Variants in CSMD2 observed in about 807,000 individuals in gnomAD.
CSMD2 encodes CUB and sushi domain-containing protein 2.
CSMD2 carries 130 observed loss-of-function variants against 398.5 expected under a neutral mutation model. That is an observed-to-expected ratio of 0.33 (90% CI 0.28 to 0.38). The LOEUF (loss-of-function observed/expected upper bound fraction) is 0.38. Among genes scored for constraint, CSMD2 ranks in the 10% least tolerant of loss-of-function variants. The probability of loss-of-function intolerance (pLI) is 1.00; values close to 1 mark genes in which losing one functional copy is unlikely to be tolerated. For missense variants in CSMD2, 3,829 were observed against 4,764.9 expected (o/e 0.80, Z 5.78); for synonymous variants, 1,828 against 1,908.5 (o/e 0.96, Z 1.10).
intron 47 of CSMD2, among the ~76,000 whole-genome samples, chr1:33,581,529 C>CAAAAAAAA (rs59068586): frequency 7.9e-4 from 29 of 36,864 alleles, no homozygotes; most frequent in Non-Finnish European, 9.7e-4. Context: ...GACTCAGTCT[C>CAAAAAAAA]AAAAAAAAAA....
chr1:33,903,155 G>A (rs949875188), intron 5 of CSMD2, among the ~76,000 whole-genome samples: 4 of 152,108 alleles, frequency 2.6e-5, no homozygotes, highest in African/African-American at 9.7e-5. Flanking sequence ...GAAACAAAAA[G>A]AAAGTGATAT....
chr1:34,009,972 C>G lies in CSMD2; in HGVS notation c.517+22622G>C, dbSNP rs138806509. 3.0e-3 allele frequency among the ~76,000 whole-genome samples: 459 copies of G among 152,266 alleles called. 4 individuals carry two copies. The highest frequency in any genetic ancestry group is 0.011 in the East Asian group (55 of 5,172). ...GTCTTGCATCCTTGCAATCCATTCT[C>G]CCTTCAGCAGCCAGAGTGATCTTTT... On this transcript the variant is annotated intron_variant, in intron 3 of 70. Transcript: ENST00000373381.
chr1:34,026,457 T>C (rs1489294782), intron 3 of CSMD2, among the ~76,000 whole-genome samples: 1 of 152,204 alleles, frequency 6.6e-6, no homozygotes, highest in African/African-American at 2.4e-5. Flanking sequence ...CAGTTAGACT[T>C]AGCTAAACAA....
At chr1:34,030,114 G>A (rs1366352601) in intron 3 of CSMD2, among the ~76,000 whole-genome samples, 1 of 152,218 alleles carries the variant, frequency 6.6e-6, no homozygotes, top group Non-Finnish European at 1.5e-5. Flanking sequence ...TATCTGGGCT[G>A]TTCTACATGG....
chr1:33,518,099 C>T lies in CSMD2; in HGVS notation c.*53+1366G>A, dbSNP rs1653926048. ...CTTGGCGGATTTTCCACCGCCCTCA[C>T]TGGGAATCCCTACCTGGCTGGCTCT... On this transcript the variant is annotated intron_variant, in intron 70 of 70. Transcript: ENST00000373381. This position sits in a 1 kb window ranked among gnomAD's most constrained non-coding sequence, Gnocchi z 4.3. Among the ~76,000 whole-genome samples the T allele has an allele frequency of 6.6e-6, 1 of 152,266 alleles. No individual in the cohort carries two copies. Among genetic ancestry groups the T allele is most frequent in the South Asian group, 2.1e-4 (1 of 4,834 alleles).
intron 3 of CSMD2, among the ~76,000 whole-genome samples, chr1:33,948,876 T>C (rs1462737481): frequency 6.6e-6 from 1 of 151,946 alleles, no homozygotes; most frequent in Non-Finnish European, 1.5e-5. Flanking sequence ...ATTTCAGAGG[T>C]AGGGATCAAG....
At chr1:33,665,445 G>C (rs1308560573) in intron 25 of CSMD2, among the ~76,000 whole-genome samples, 1 of 115,558 alleles carries the variant, frequency 8.7e-6, no homozygotes, top group East Asian at 2.8e-4. Context: ...GACTTGTATA[G>C]TTTCTTTCTT....
At chr1:33,837,812 T>C (rs1262211336) in intron 6 of CSMD2, among the ~76,000 whole-genome samples, 1 of 152,236 alleles carries the variant, frequency 6.6e-6, no homozygotes, top group African/African-American at 2.4e-5. Flanking sequence ...ACTAGGTACA[T>C]TCATCTCCTC....
intron 5 of CSMD2, among the ~76,000 whole-genome samples, chr1:33,912,413 C>G (rs1019096181): frequency 2.5e-5 from 2 of 80,244 alleles, no homozygotes; most frequent in Non-Finnish European, 4.7e-5. Context: ...CATCATACAC[C>G]CCCCCACACA....
chr1:34,148,056 C>T (rs1639946217), intron 1 of CSMD2, among the ~76,000 whole-genome samples: 1 of 152,120 alleles, frequency 6.6e-6, no homozygotes, highest in Non-Finnish European at 1.5e-5. Flanking sequence ...AAGAGAGGCA[C>T]AGCATTGGGT....
chr1:33,626,607 G>C (rs758784004), intron 32 of CSMD2, 26 bp from the exon 33 acceptor site: 8 of 1,536,636 alleles, frequency 5.2e-6, no homozygotes, highest in Non-Finnish European at 6.2e-6. Flanking sequence ...GCAAGGAGGA[G>C]AGAACAGTGA....
intron 42 of CSMD2, 54 bp downstream of exon 42, chr1:33,605,228 C>A: frequency 6.5e-7 from 1 of 1,537,414 alleles, no homozygotes; most frequent in Non-Finnish European, 8.9e-7. Context: ...TTGCTCTGGA[C>A]CAGTCTCCAC....
At chr1:33,921,848 T>G (rs566480036) in intron 4 of CSMD2, among the ~76,000 whole-genome samples, 5 of 152,098 alleles carry the variant, frequency 3.3e-5, no homozygotes, top group African/African-American at 1.2e-4. Flanking sequence ...TAGTAATGGA[T>G]GAAAGATATG....
At chr1:33,741,788 C>T (rs1403669065) in intron 14 of CSMD2, among the ~76,000 whole-genome samples, 1 of 152,028 alleles carries the variant, frequency 6.6e-6, no homozygotes, top group South Asian at 2.1e-4. Flanking sequence ...CCATCAGCTG[C>T]CTCCTCCTCC....
chr1:33,634,079 T>G (rs1201568557), intron 31 of CSMD2, among the ~76,000 whole-genome samples: 5 of 152,206 alleles, frequency 3.3e-5, no homozygotes, highest in Admixed American at 3.3e-4. Context: ...CAGATCAGAT[T>G]GGACAGCCTT....
intron 5 of CSMD2, among the ~76,000 whole-genome samples, chr1:33,895,624 T>C (rs112142581): frequency 2.0e-4 from 31 of 152,204 alleles, no homozygotes; most frequent in African/African-American, 7.5e-4. Context: ...GCCCGCCCTC[T>C]GGAGAGGCAG....
At chr1:33,711,219 T>C (rs1645977047) in intron 21 of CSMD2, among the ~76,000 whole-genome samples, 1 of 152,120 alleles carries the variant, frequency 6.6e-6, no homozygotes, top group Non-Finnish European at 1.5e-5. Flanking sequence ...CTTAGGGCCA[T>C]GCATATGTAA....
intron 44 of CSMD2, among the ~76,000 whole-genome samples, chr1:33,597,498 C>G (rs565330790): frequency 6.6e-6 from 1 of 152,290 alleles, no homozygotes; most frequent in Admixed American, 6.5e-5. Flanking sequence ...AGCATGAACA[C>G]TCAGTAACAC....
chr1:33,567,518 T>C (rs1208887059), intron 53 of CSMD2, 75 bp downstream of exon 53: 25 of 1,353,580 alleles, frequency 1.8e-5, no homozygotes, highest in Non-Finnish European at 2.5e-5. Flanking sequence ...CTCTAGCTAA[T>C]CTAATTAAGA....
Sources: gnomAD v4.1 joint callset for allele counts (sites outside exome capture counted in the v4.1 genomes callset) on GRCh38, gnomAD v4.1.1 for gene constraint, Gnocchi (gnomAD v3.1) non-coding constraint, MANE v1.5 for transcripts, NCBI Gene and HGNC (gene_info 2026-07-23, HGNC 2026-07-21) for gene names.